METTL15: variants seen among roughly 807,000 people sequenced by gnomAD.
METTL15 encodes 12S rRNA N(4)-cytidine methyltransferase METTL15.
A neutral mutation model predicts 38.3 loss-of-function variants in METTL15; 34 were observed. That is an observed-to-expected ratio of 0.89 (90% confidence interval 0.68 to 1.18). METTL15 has a LOEUF of 1.18. Among genes scored for constraint, METTL15 ranks in the 50% most tolerant of loss-of-function variants. METTL15 has a pLI of 0.00. For missense variants in METTL15, 438 were observed against 498.4 expected, an observed-to-expected ratio of 0.88 and a Z score of 1.15; for synonymous variants, 162 against 170.9, an observed-to-expected ratio of 0.95 and a Z score of 0.41.
At chr11:28,522,231 A>G (rs1265020901) in intron 6 of METTL15, among the ~76,000 whole-genome samples, 1 of 152,214 alleles carries the variant, frequency 6.6e-6, no homozygotes, top group African/African-American at 2.4e-5. Context: ...TGAGCAGTGT[A>G]TTAGTCAGGA....
chr11:28,178,439 A>G (rs1565145612), intron 3 of METTL15, among the ~76,000 whole-genome samples: 1 of 151,834 alleles, frequency 6.6e-6, no homozygotes, highest in Non-Finnish European at 1.5e-5. Context: ...ACTGGGATTA[A>G]TTATTTGAGG....
chr11:28,506,835 C>A (rs1479547337), intron 6 of METTL15, among the ~76,000 whole-genome samples: 1 of 149,436 alleles, frequency 6.7e-6, no homozygotes, highest in Non-Finnish European at 1.5e-5. Context: ...ACCTCTGCCT[C>A]CTGGGCTTAA....
chr11:28,266,762 C>T (rs1004933899), intron 4 of METTL15, among the ~76,000 whole-genome samples: 9 of 152,120 alleles, frequency 5.9e-5, no homozygotes, highest in African/African-American at 1.9e-4. Context: ...ATTATGTCTC[C>T]GTAAACTATT....
chr11:28,269,306 T>TTA (rs928426312), intron 4 of METTL15, among the ~76,000 whole-genome samples: 2 of 151,848 alleles, frequency 1.3e-5, no homozygotes, highest in Non-Finnish European at 2.9e-5. Flanking sequence ...AACTAAGCAA[T>TTA]TATATATATA....
chr11:28,479,259 A>G (rs1851374848), intron 6 of METTL15, among the ~76,000 whole-genome samples: 2 of 152,308 alleles, frequency 1.3e-5, no homozygotes, highest in South Asian at 4.1e-4. Context: ...AACAGAATGA[A>G]TAAGAAAGAT....
At position 28,358,331 on chromosome 11, in the gene METTL15, T is replaced by C. The variant is rs74502477; in HGVS notation, c.*259-3606T>C. ...ATGCTATGCTGGACTTCTGTCCTACTGAAACTGCAAAGTAATAAAGGGTCT... is the reference window on the plus strand; with the variant it reads ...ATGCTATGCTGGACTTCTGTCCTACCGAAACTGCAAAGTAATAAAGGGTCT... On this transcript the variant is annotated intron_variant and NMD_transcript_variant, in intron 4 of 7. Transcript: ENST00000532947. Among the ~76,000 whole-genome samples, 9 of 152,334 alleles carry C rather than the reference T, an allele frequency of 5.9e-5. No individual in the cohort carries two copies. In the East Asian group the frequency reaches 1.5e-3, roughly 26 times the overall value.
chr11:28,480,091 G>T (rs1008473192), intron 6 of METTL15, among the ~76,000 whole-genome samples: 1 of 152,162 alleles, frequency 6.6e-6, no homozygotes, highest in African/African-American at 2.4e-5. Context: ...CTTATTTCCT[G>T]AATTAGATAA....
rs540035665 is a variant in METTL15, at chr11:28,138,423, C to G, written c.270+24819C>G. On this transcript the variant is annotated intron_variant, in intron 3 of 6. Coordinates refer to ENST00000407364, the MANE Select transcript of METTL15 (RefSeq NM_001113528.2). ...CCCTACTTTAGCCATGCCAAGTGGC[C>G]AATATTTCTAACTTTTGAACATTAC... 2.0e-5 allele frequency among the ~76,000 whole-genome samples: 3 copies of G among 152,190 alleles called. No homozygotes were observed. In the East Asian group the frequency reaches 5.8e-4, roughly 29 times the overall value.
intron 5 of METTL15, among the ~76,000 whole-genome samples, chr11:28,416,909 G>A (rs918596108): frequency 6.6e-6 from 1 of 152,212 alleles, no homozygotes; most frequent in Non-Finnish European, 1.5e-5. Flanking sequence ...AGATTGAAAT[G>A]TGTGACCACA....
chr11:28,395,395 C>T (rs1850557434), intron 5 of METTL15, among the ~76,000 whole-genome samples: 1 of 152,058 alleles, frequency 6.6e-6, no homozygotes, highest in Admixed American at 6.6e-5. Context: ...TCCTTGGAGA[C>T]TGAACAGAGA....
intron 4 of METTL15, among the ~76,000 whole-genome samples, chr11:28,214,058 T>C (rs1035698623): frequency 4.6e-5 from 7 of 152,140 alleles, no homozygotes; most frequent in South Asian, 2.1e-4. Flanking sequence ...TTTTTTTTTA[T>C]TGGAGACAAG....
intron 5 of METTL15, among the ~76,000 whole-genome samples, chr11:28,392,613 A>G (rs1183974950): frequency 1.3e-5 from 2 of 152,148 alleles, no homozygotes; most frequent in East Asian, 3.9e-4. Flanking sequence ...TTTATTGGAT[A>G]TAATAACAAA....
intron 5 of METTL15, among the ~76,000 whole-genome samples, chr11:28,389,473 C>T (rs1284763681): frequency 6.8e-6 from 1 of 146,144 alleles, no homozygotes; most frequent in Non-Finnish European, 1.5e-5. Context: ...TGAGTGAGAA[C>T]ATGCGGTGTT....
intron 3 of METTL15, among the ~76,000 whole-genome samples, chr11:28,203,943 A>C (rs1223704825): frequency 2.0e-5 from 3 of 152,050 alleles, no homozygotes; most frequent in African/African-American, 7.2e-5. Context: ...TTGATGTTAA[A>C]TGACTCTAAA....
At chr11:28,312,498 T>C (rs1425573496) in intron 6 of METTL15, among the ~76,000 whole-genome samples, 2 of 152,202 alleles carry the variant, frequency 1.3e-5, no homozygotes, top group Non-Finnish European at 2.9e-5. Context: ...GTATACTCCT[T>C]TGATGAAAAA....
At chr11:28,214,279 C>A (rs371574020) in intron 4 of METTL15, among the ~76,000 whole-genome samples, 106 of 152,206 alleles carry the variant, frequency 7.0e-4, no homozygotes, top group African/African-American at 2.4e-3. Flanking sequence ...AGTGATCATC[C>A]CACCTCAGCC....
intron 3 of METTL15, among the ~76,000 whole-genome samples, chr11:28,161,120 T>TTG (rs1253962414): frequency 9.6e-4 from 83 of 86,602 alleles, no homozygotes; most frequent in Middle Eastern, 5.3e-3. Flanking sequence ...TTTTTTTTTT[T>TTG]TTTTTTGTTT....
Position 28,250,566 on chromosome 11 carries a change from TAA to T in METTL15, c.407+39378_407+39379del, listed in dbSNP as rs35218897. 6.9e-4 allele frequency among the ~76,000 whole-genome samples: 104 copies of T among 151,588 alleles called. 1 individual carries two copies. The highest frequency in any genetic ancestry group is 2.2e-3 in the African/African-American group (89 of 41,318). Reference sequence around the variant, plus strand: ...GTTTTAGAAGTTACTCTCCTTTTTTTAAAAAAAAAAATGATGTTTTTCCTACA... The same window carrying T: ...GTTTTAGAAGTTACTCTCCTTTTTTTAAAAAAAAATGATGTTTTTCCTACA... On this transcript the variant is annotated intron_variant, in intron 4 of 6. Transcript: ENST00000407364.
intron 5 of METTL15, among the ~76,000 whole-genome samples, chr11:28,385,712 A>T (rs982347807): frequency 6.6e-6 from 1 of 152,108 alleles, no homozygotes; most frequent in East Asian, 1.9e-4. Context: ...TAGAAATAGC[A>T]TCTGTAAATT....
Sources: gnomAD v4.1 joint callset for allele counts (sites outside exome capture counted in the v4.1 genomes callset) on GRCh38, gnomAD v4.1.1 for gene constraint, MANE v1.5 for transcripts, NCBI Gene and HGNC (gene_info 2026-07-23, HGNC 2026-07-21) for gene names.